ANKRD26: variants seen among roughly 807,000 people sequenced by gnomAD.
ANKRD26 encodes the protein ankyrin repeat domain-containing protein 26.
A neutral mutation model predicts 208.7 loss-of-function variants in ANKRD26; 141 were observed. The observed-to-expected ratio is 0.68, with a 90% confidence interval of 0.59 to 0.78. The LOEUF is 0.78. Ranked by LOEUF, ANKRD26 falls within the 30% of genes least tolerant of loss-of-function variation. The pLI, the probability that ANKRD26 is intolerant of heterozygous loss-of-function variation, is 0.00. For missense variants in ANKRD26, 1,889 were observed against 1,938.7 expected, an observed-to-expected ratio of 0.97 and a Z score of 0.48; for synonymous variants, 636 against 660.4, an observed-to-expected ratio of 0.96 and a Z score of 0.57.
At chr10:26,954,000 C>T in the ANKRD26 span, among the ~76,000 whole-genome samples, 1 of 152,216 alleles carries the variant, frequency 6.6e-6, no homozygotes, top group Admixed American at 6.5e-5. Flanking sequence ...TAATTCCACA[C>T]AGAGGCTCTC....
intron 16 of ANKRD26, among the ~76,000 whole-genome samples, chr10:27,050,447 TTGAC>T (rs2054616086): frequency 6.6e-6 from 1 of 152,112 alleles, no homozygotes; most frequent in African/African-American, 2.4e-5. Flanking sequence ...ACAGAAACAT[TTGAC>T]TGGTGTTTTA....
In ANKRD26 at chr10:27,005,486, T is replaced by C. The variant is rs1264680839; in HGVS notation, c.*104A>G. On this transcript the variant is annotated 3_prime_UTR_variant, in exon 34 of 34. Coordinates refer to ENST00000376087, the MANE Select transcript of ANKRD26 (RefSeq NM_014915.3). ...ACTATATAAATTTTGATCTGACATA[T>C]ATGATACAAAAATACGTTCCTTTAA... 1.0e-5 allele frequency: 16 copies of C among 1,537,664 alleles called. No homozygotes were observed. Among genetic ancestry groups the C allele is most frequent in the Non-Finnish European group, 1.4e-5 (16 of 1,145,286 alleles).
the ANKRD26 span, among the ~76,000 whole-genome samples, chr10:26,968,207 G>A: frequency 6.6e-6 from 1 of 152,068 alleles, no homozygotes; most frequent in Non-Finnish European, 1.5e-5. Context: ...TCCATTCCAG[G>A]AACTCAACCT....
intron 4 of ANKRD26, among the ~76,000 whole-genome samples, chr10:27,090,291 C>T (rs1311819750): frequency 6.6e-6 from 1 of 151,988 alleles, no homozygotes; most frequent in Non-Finnish European, 1.5e-5. Flanking sequence ...ACTAAAAATA[C>T]AAAAATTAGC....
At chr10:27,071,705 C>G (rs896349770) in intron 9 of ANKRD26, among the ~76,000 whole-genome samples, 5 of 152,054 alleles carry the variant, frequency 3.3e-5, no homozygotes, top group African/African-American at 1.2e-4. Flanking sequence ...CAGCAGTGTA[C>G]ACGATGAACC....
chr10:26,950,466 A>G, the ANKRD26 span, among the ~76,000 whole-genome samples: 4 of 152,144 alleles, frequency 2.6e-5, no homozygotes, highest in East Asian at 1.9e-4. Flanking sequence ...GTAATCCCCA[A>G]TGTTGGAGGT....
At chr10:27,068,642 G>A (rs948355046) in intron 9 of ANKRD26, among the ~76,000 whole-genome samples, 15 of 152,270 alleles carry the variant, frequency 9.9e-5, no homozygotes, top group African/African-American at 3.6e-4. Flanking sequence ...AAGGACCTGT[G>A]TTATGCTAGA....
chr10:27,074,866 TCAGACTAACAG>T (rs2055640420), intron 9 of ANKRD26, among the ~76,000 whole-genome samples: 1 of 151,924 alleles, frequency 6.6e-6, no homozygotes, highest in Non-Finnish European at 1.5e-5. Context: ...GGAAAACCTA[TCAGACTAACAG>T]CAGACTTCTC....
chr10:26,951,903 C>A, the ANKRD26 span, among the ~76,000 whole-genome samples: 1 of 152,228 alleles, frequency 6.6e-6, no homozygotes, highest in East Asian at 1.9e-4. Context: ...AACTTGCCTG[C>A]ATGCATGACT....
At chr10:27,069,932 AT>A (rs2055417947) in intron 9 of ANKRD26, among the ~76,000 whole-genome samples, 1 of 151,852 alleles carries the variant, frequency 6.6e-6, no homozygotes, top group Admixed American at 6.6e-5. Flanking sequence ...AGCCTGGATA[AT>A]ATAGCGAGAC....
downstream of ANKRD26, among the ~76,000 whole-genome samples, chr10:26,970,494 G>A (rs948725312): frequency 3.3e-5 from 5 of 152,112 alleles, no homozygotes; most frequent in Non-Finnish European, 5.9e-5. Flanking sequence ...CCCATGTGAG[G>A]TGCCTGCTCC....
At chr10:26,985,889 A>G (rs910229923) in intron 3 of ANKRD26, among the ~76,000 whole-genome samples, 1 of 152,198 alleles carries the variant, frequency 6.6e-6, no homozygotes, top group Non-Finnish European at 1.5e-5. Context: ...ATCCCCATCA[A>G]GCTACCAATG....
intron 15 of ANKRD26, among the ~76,000 whole-genome samples, chr10:27,057,909 C>A: frequency 6.6e-6 from 1 of 150,526 alleles, no homozygotes; most frequent in East Asian, 1.9e-4. Context: ...CGCACTCCAG[C>A]CGGGTGACAG....
At chr10:27,034,732 CTA>C in intron 24 of ANKRD26, 62 bp downstream of exon 24, 2 of 1,047,330 alleles carry the variant, frequency 1.9e-6, no homozygotes, top group Non-Finnish European at 2.8e-6. Flanking sequence ...AACTACATAA[CTA>C]TATATTATTT....
downstream of ANKRD26, among the ~76,000 whole-genome samples, chr10:26,969,814 T>G (rs7073152): frequency 0.21 from 31,033 of 148,584 alleles, 6,932 homozygotes; most frequent in African/African-American, 0.59. Flanking sequence ...ACTTTCTGTT[T>G]TTTTTTTTTT....
At chr10:27,024,087 T>C (rs145023072) in intron 28 of ANKRD26, among the ~76,000 whole-genome samples, 4 of 152,120 alleles carry the variant, frequency 2.6e-5, no homozygotes, top group African/African-American at 9.6e-5. Flanking sequence ...GGTTTTTAGA[T>C]ATTAAAAGAT....
downstream of ANKRD26, among the ~76,000 whole-genome samples, chr10:27,000,043 C>T (rs915480005): frequency 1.1e-4 from 17 of 152,134 alleles, no homozygotes; most frequent in African/African-American, 2.4e-4. Flanking sequence ...GATGACCCTC[C>T]GCCCACACAG....
At chr10:27,083,767 A>C (rs1204878172) in intron 5 of ANKRD26, among the ~76,000 whole-genome samples, 1 of 152,238 alleles carries the variant, frequency 6.6e-6, no homozygotes, top group Non-Finnish European at 1.5e-5. Flanking sequence ...TGTATATAAG[A>C]GGCCAGCAAA....
intron 18 of ANKRD26, 78 bp downstream of exon 18, chr10:27,046,275 G>A: frequency 7.3e-6 from 10 of 1,363,268 alleles, no homozygotes; most frequent in South Asian, 1.2e-5. Flanking sequence ...AGCTTTGGGA[G>A]ACTACATCAT....
Sources: gnomAD v4.1 joint callset for allele counts (sites outside exome capture counted in the v4.1 genomes callset) on GRCh38, gnomAD v4.1.1 for gene constraint, MANE v1.5 for transcripts, NCBI Gene and HGNC (gene_info 2026-07-23, HGNC 2026-07-21) for gene names.